Variants in ARFGEF2 observed in about 807,000 individuals in gnomAD.
ARFGEF2 encodes brefeldin A-inhibited guanine nucleotide-exchange protein 2.
ARFGEF2 carries 74 observed loss-of-function variants against 219.9 expected under a neutral mutation model. The observed-to-expected ratio is 0.34, with a 90% CI of 0.28 to 0.41. ARFGEF2 has a LOEUF of 0.41. Ranked by LOEUF, ARFGEF2 falls within the 10% of genes least tolerant of loss-of-function variation. The pLI is 1.00. For missense variants in ARFGEF2, 1,743 were observed against 2,218.3 expected (o/e 0.79, Z 4.30); for synonymous variants, 733 against 799.2 (o/e 0.92, Z 1.40).
rs754385327 is a variant in ARFGEF2, at chr20:48,974,887, T to C, written c.1774+13T>C. On this transcript the variant is annotated intron_variant, in intron 13 of 38. Transcript: ENST00000371917. ...CAGACCAGCCTCGGTGAGACAGCAT[T>C]GCTGCCACACCCACCTCCATTCATA... 1 of 1,601,206 alleles carries C rather than the reference T, an allele frequency of 6.2e-7. No homozygotes were observed. Among genetic ancestry groups the C allele is most frequent in the East Asian group, 2.2e-5 (1 of 44,758 alleles).
chr20:48,987,149 A>G (rs1372266958), intron 16 of ARFGEF2, among the ~76,000 whole-genome samples: 11 of 152,244 alleles, frequency 7.2e-5, no homozygotes, highest in Admixed American at 6.5e-5. Context: ...CCAAATGGAC[A>G]TTAGAACTCT....
At chr20:48,968,143 A>G (rs943213522) in intron 8 of ARFGEF2, among the ~76,000 whole-genome samples, 2 of 151,686 alleles carry the variant, frequency 1.3e-5, no homozygotes, top group East Asian at 2.0e-4. Context: ...ACAGGTGCCC[A>G]CCACCACGCC....
chr20:49,020,860 G>A (rs1325429955), intron 34 of ARFGEF2, among the ~76,000 whole-genome samples: 1 of 152,150 alleles, frequency 6.6e-6, no homozygotes, highest in Non-Finnish European at 1.5e-5. Flanking sequence ...ACTCTGAGAA[G>A]TACCTAGGAC....
Position 49,023,238 on chromosome 20 carries a change from G to T in ARFGEF2, c.4755+57G>T, listed in dbSNP as rs944224604. 3.7e-6 allele frequency: 6 copies of T among 1,607,700 alleles called. No individual in the cohort carries two copies. In the African/African-American group the frequency reaches 6.7e-5, roughly 18 times the overall value. On this transcript the variant is annotated intron_variant, in intron 35 of 38. Coordinates refer to ENST00000371917, the MANE Select transcript of ARFGEF2 (RefSeq NM_006420.3). ...CTGTCCATAGGGAGGTTGCTTTGAT[G>T]TAGTGGTGTGCGGAAGCCAGCTTGT...
At chr20:49,025,177 A>G (rs1271270073) in intron 35 of ARFGEF2, 136 bp from the exon 36 acceptor site, 11 of 889,010 alleles carry the variant, frequency 1.2e-5, no homozygotes, top group Non-Finnish European at 2.0e-5. Context: ...GAAATGTTTC[A>G]GGGTGTTGGG....
chr20:48,986,625 C>T (rs2091327905), intron 16 of ARFGEF2, among the ~76,000 whole-genome samples: 2 of 151,772 alleles, frequency 1.3e-5, no homozygotes, highest in African/African-American at 2.4e-5. Context: ...AAAAAAAAAA[C>T]TCATGTTCTC....
intron 1 of ARFGEF2, among the ~76,000 whole-genome samples, chr20:48,933,618 T>G (rs2090927841): frequency 6.6e-6 from 1 of 152,190 alleles, no homozygotes; most frequent in African/African-American, 2.4e-5. Flanking sequence ...GAGATTTTGC[T>G]TTAATACTGA....
intron 36 of ARFGEF2, among the ~76,000 whole-genome samples, chr20:49,028,274 A>G (rs1165190595): frequency 6.6e-6 from 1 of 152,026 alleles, no homozygotes. Context: ...AAAAAAAATT[A>G]GCCAGGCATG....
chr20:48,936,580 A>G (rs1208871225), intron 1 of ARFGEF2, among the ~76,000 whole-genome samples: 1 of 151,806 alleles, frequency 6.6e-6, no homozygotes, highest in African/African-American at 2.4e-5. Flanking sequence ...GCTGGAGTGC[A>G]TTGGCATGAT....
intron 1 of ARFGEF2, among the ~76,000 whole-genome samples, chr20:48,936,571 C>A (rs1475826480): frequency 6.6e-6 from 1 of 152,110 alleles, no homozygotes; most frequent in Non-Finnish European, 1.5e-5. Flanking sequence ...GTTGCCCAGG[C>A]TGGAGTGCAT....
intron 21 of ARFGEF2, among the ~76,000 whole-genome samples, chr20:48,992,195 G>A (rs1193884436): frequency 6.6e-6 from 1 of 152,198 alleles, no homozygotes; most frequent in African/African-American, 2.4e-5. Flanking sequence ...AGATTGTGAG[G>A]CATTGTCTCT....
At chr20:48,985,679 T>G in intron 16 of ARFGEF2, 66 bp downstream of exon 16, 1 of 1,528,578 alleles carries the variant, frequency 6.5e-7, no homozygotes, top group Non-Finnish European at 9.0e-7. Flanking sequence ...TAATTCTAAT[T>G]TGGTTGGGGT....
intron 1 of ARFGEF2, among the ~76,000 whole-genome samples, chr20:48,929,063 A>G (rs1018240497): frequency 1.3e-5 from 2 of 152,218 alleles, no homozygotes; most frequent in African/African-American, 4.8e-5. Flanking sequence ...TCCTATATAA[A>G]TAGCTCAGAG....
intron 8 of ARFGEF2, among the ~76,000 whole-genome samples, chr20:48,968,110 T>A (rs1183731159): frequency 3.3e-5 from 5 of 151,922 alleles, no homozygotes; most frequent in Non-Finnish European, 7.4e-5. Flanking sequence ...TCTCCTGCCT[T>A]AGCCTCTTGA....
At chr20:48,989,974 G>A (rs1253100896) in intron 20 of ARFGEF2, among the ~76,000 whole-genome samples, 1 of 152,210 alleles carries the variant, frequency 6.6e-6, no homozygotes, top group Non-Finnish European at 1.5e-5. Context: ...GAAGTTGGGA[G>A]TTCGAGACCA....
chr20:48,972,155 C>T (rs2123418190), intron 10 of ARFGEF2, among the ~76,000 whole-genome samples, 171 bp from the exon 11 acceptor site: 2 of 152,304 alleles, frequency 1.3e-5, no homozygotes, highest in East Asian at 3.9e-4. Flanking sequence ...GCCAGCCGTC[C>T]CCACCAAGGC....
At chr20:48,974,977 T>C (rs2091252176) in intron 13 of ARFGEF2, 103 bp downstream of exon 13, 3 of 1,004,386 alleles carry the variant, frequency 3.0e-6, no homozygotes, top group Admixed American at 2.0e-5. Flanking sequence ...GAAAAAGCCT[T>C]TTTAGTTTGC....
intron 6 of ARFGEF2, among the ~76,000 whole-genome samples, chr20:48,958,317 T>A (rs2091117505): frequency 6.6e-6 from 1 of 152,186 alleles, no homozygotes; most frequent in Non-Finnish European, 1.5e-5. Flanking sequence ...TTAAGTAACT[T>A]AAGTCCCCAC....
At chr20:49,030,321 G>A (rs995867293) in intron 37 of ARFGEF2, among the ~76,000 whole-genome samples, 2 of 151,934 alleles carry the variant, frequency 1.3e-5, no homozygotes, top group African/African-American at 4.8e-5. Context: ...TTCAGCAATT[G>A]GGGCATTTTA....
Sources: gnomAD v4.1 joint callset for allele counts (sites outside exome capture counted in the v4.1 genomes callset) on GRCh38, gnomAD v4.1.1 for gene constraint, MANE v1.5 for transcripts, NCBI Gene and HGNC (gene_info 2026-07-23, HGNC 2026-07-21) for gene names.